GRIK4: variants seen among roughly 807,000 people sequenced by gnomAD.
The protein encoded by GRIK4 is glutamate receptor ionotropic, kainate 4.
Under a neutral mutation model 104.9 loss-of-function variants are expected in GRIK4, and 40 were observed. That is an observed-to-expected ratio of 0.38 (90% CI 0.30 to 0.50). The LOEUF (loss-of-function observed/expected upper bound fraction) is 0.50, where lower values mean the gene tolerates loss of function less well. GRIK4 is among the 20% of genes least tolerant of loss of function. The probability of loss-of-function intolerance (pLI) is 0.93; values close to 1 mark genes in which losing one functional copy is unlikely to be tolerated. For missense variants in GRIK4, 1,047 were observed against 1,308.1 expected, an observed-to-expected ratio of 0.80 and a Z score of 3.08; for synonymous variants, 485 against 524.9, an observed-to-expected ratio of 0.92 and a Z score of 1.04.
At chr11:120,656,339 T>C (rs749602905) in intron 2 of GRIK4, among the ~76,000 whole-genome samples, 2 of 152,238 alleles carry the variant, frequency 1.3e-5, no homozygotes, top group Non-Finnish European at 2.9e-5. Context: ...GTCATGTATC[T>C]TTTCTTGGGC....
At chr11:120,781,307 T>C (rs1591905072) in intron 3 of GRIK4, among the ~76,000 whole-genome samples, 1 of 152,288 alleles carries the variant, frequency 6.6e-6, no homozygotes, top group East Asian at 1.9e-4. Flanking sequence ...GAAACAAAAA[T>C]TGTGGGCATG....
intron 14 of GRIK4, among the ~76,000 whole-genome samples, chr11:120,945,982 T>G (rs1248486829): frequency 6.6e-6 from 1 of 152,246 alleles, no homozygotes; most frequent in African/African-American, 2.4e-5. Context: ...TTGGTTTCCC[T>G]GGCACATCAG....
intron 3 of GRIK4, among the ~76,000 whole-genome samples, chr11:120,782,387 G>A (rs1468902136): frequency 1.3e-5 from 2 of 150,748 alleles, no homozygotes; most frequent in African/African-American, 2.5e-5. Flanking sequence ...CCGGGTTCAC[G>A]CCATTCTCCT....
intron 1 of GRIK4, among the ~76,000 whole-genome samples, chr11:120,589,574 C>A (rs1162851566): frequency 6.6e-6 from 1 of 152,128 alleles, no homozygotes; most frequent in Non-Finnish European, 1.5e-5. Context: ...GGGCTCAGGA[C>A]GTTGGAAATC....
rs566186570 is a variant in GRIK4 at position 120,776,769 on chromosome 11, G to A, written c.83-25924G>A. On this transcript the variant is annotated intron_variant, in intron 3 of 20. Coordinates refer to ENST00000527524, the MANE Select transcript of GRIK4 (RefSeq NM_014619.5). ...CAGTCAAGGTGTTGTCGGGCCTCTC[G>A]GTTCCTTGGTTCCTGTTGGCTGGAG... 2.3e-4 allele frequency among the ~76,000 whole-genome samples: 35 copies of A among 152,268 alleles called. No homozygotes were observed. The South Asian group carries it at 3.5e-3, about 15-fold the overall frequency.
At chr11:120,628,636 T>C (rs1028576199) in intron 1 of GRIK4, among the ~76,000 whole-genome samples, 4 of 152,150 alleles carry the variant, frequency 2.6e-5, no homozygotes, top group African/African-American at 9.7e-5. Context: ...GGTCCTGGCC[T>C]GTTTCACTGA....
chr11:120,574,790 G>A (rs1413136204), intron 1 of GRIK4, among the ~76,000 whole-genome samples: 2 of 152,230 alleles, frequency 1.3e-5, no homozygotes, highest in South Asian at 2.1e-4. Context: ...GAGGGGAGGC[G>A]CTTTCCTCTG....
chr11:120,812,669 CAG>C (rs1237731900), intron 4 of GRIK4, among the ~76,000 whole-genome samples: 5 of 152,184 alleles, frequency 3.3e-5, no homozygotes, highest in Non-Finnish European at 7.3e-5. Context: ...TAGTAAGTGA[CAG>C]AGACTCAAAC....
chr11:120,744,149 C>T (rs1951391657), intron 3 of GRIK4, among the ~76,000 whole-genome samples: 1 of 152,122 alleles, frequency 6.6e-6, no homozygotes, highest in Admixed American at 6.5e-5. Context: ...GAGATGCTTC[C>T]TAATAACAAC....
chr11:120,544,436 T>C (rs566971741), intron 1 of GRIK4, among the ~76,000 whole-genome samples: 1 of 152,284 alleles, frequency 6.6e-6, no homozygotes, highest in Admixed American at 6.5e-5. Context: ...GTTCAAGCGA[T>C]TCTCTAGTCT....
At chr11:120,675,980 A>G (rs1421933314) in intron 3 of GRIK4, among the ~76,000 whole-genome samples, 2 of 152,176 alleles carry the variant, frequency 1.3e-5, no homozygotes, top group African/African-American at 4.8e-5. Flanking sequence ...AGCTAAAGCT[A>G]AGATTTTAGT....
intron 1 of GRIK4, among the ~76,000 whole-genome samples, chr11:120,601,467 G>T (rs1245969852): frequency 6.6e-6 from 1 of 152,096 alleles, no homozygotes; most frequent in Non-Finnish European, 1.5e-5. Flanking sequence ...CAGGGCAAGT[G>T]ACTTGATGAT....
intron 3 of GRIK4, among the ~76,000 whole-genome samples, chr11:120,775,889 C>T (rs1591897979): frequency 6.6e-6 from 1 of 152,340 alleles, no homozygotes; most frequent in Non-Finnish European, 1.5e-5. Context: ...TTGTGAGATA[C>T]TTTTATTATT....
intron 3 of GRIK4, among the ~76,000 whole-genome samples, chr11:120,793,919 G>A (rs1364388263): frequency 1.4e-5 from 2 of 147,682 alleles, no homozygotes; most frequent in African/African-American, 2.5e-5. Flanking sequence ...AGAGCCAGGC[G>A]GTGTTTAGGG....
intron 1 of GRIK4, among the ~76,000 whole-genome samples, chr11:120,646,516 T>A (rs1325048895): frequency 6.6e-6 from 1 of 151,934 alleles, no homozygotes; most frequent in African/African-American, 2.4e-5. Flanking sequence ...ATCCTAATTA[T>A]TTTTTTTGCT....
At chr11:120,936,822 C>A (rs1943606795) in intron 13 of GRIK4, among the ~76,000 whole-genome samples, 1 of 152,106 alleles carries the variant, frequency 6.6e-6, no homozygotes, top group African/African-American at 2.4e-5. Context: ...CTCTTTCCGC[C>A]TGGGAGCATG....
At chr11:120,551,254 C>T (rs556274774) in intron 1 of GRIK4, among the ~76,000 whole-genome samples, 1 of 152,308 alleles carries the variant, frequency 6.6e-6, no homozygotes, top group East Asian at 1.9e-4. Flanking sequence ...TCATAACTCC[C>T]ATAGCCCTTG....
intron 6 of GRIK4, among the ~76,000 whole-genome samples, chr11:120,824,357 G>C (rs1358140604): frequency 6.6e-6 from 1 of 152,092 alleles, no homozygotes; most frequent in African/African-American, 2.4e-5. Flanking sequence ...TGGCTACTGG[G>C]GGGCTTCCAA....
At chr11:120,950,356 G>C (rs1416740321) in intron 14 of GRIK4, among the ~76,000 whole-genome samples, 1 of 152,190 alleles carries the variant, frequency 6.6e-6, no homozygotes, top group African/African-American at 2.4e-5. Context: ...TTTTCCCACA[G>C]CTGTGCATCA....
Sources: allele counts gnomAD v4.1 joint callset (sites outside exome capture counted in the v4.1 genomes callset), GRCh38; gene constraint gnomAD v4.1.1; transcripts MANE v1.5; gene names NCBI Gene and HGNC (gene_info 2026-07-23, HGNC 2026-07-21).